Variants in KDM5A observed in about 807,000 individuals in gnomAD.
The protein encoded by KDM5A is lysine-specific demethylase 5A.
Under a neutral mutation model 193.5 loss-of-function variants are expected in KDM5A, and 42 were observed. The observed-to-expected ratio is 0.22, with a 90% CI of 0.17 to 0.28. KDM5A has a LOEUF of 0.28. Ranked by LOEUF, KDM5A falls within the 10% of genes least tolerant of loss-of-function variation. The pLI is 1.00. For synonymous variants in KDM5A, 796 were observed against 718.1 expected, an observed-to-expected ratio of 1.11 and a Z score of -1.73; for missense variants, 1,692 against 2,055.1, an observed-to-expected ratio of 0.82 and a Z score of 3.42.
chr12:367,125 T>C (rs748524867), intron 3 of KDM5A, among the ~76,000 whole-genome samples: 1 of 152,206 alleles, frequency 6.6e-6, no homozygotes, highest in East Asian at 1.9e-4. Context: ...TCAGAACATA[T>C]CCCTGTCATT....
chr12:383,917 G>A lies in KDM5A; in HGVS notation c.366+114C>T, dbSNP rs374217366. ...GCATGCGCCACCATACCCAGCTAGT[G>A]CATTTCATTGTCAAACAAATCCTCT... On this transcript the variant is annotated intron_variant, in intron 3 of 27. Coordinates refer to ENST00000399788, the MANE Select transcript of KDM5A (RefSeq NM_001042603.3). 11 of 1,135,834 alleles carry A rather than the reference G, an allele frequency of 9.7e-6. No individual in the cohort carries two copies. In the East Asian group the frequency reaches 2.7e-4, roughly 28 times the overall value. 70.4% of individuals were successfully genotyped at this position (1,135,834 alleles called of 1,614,324 possible).
At position 370,610 on chromosome 12, in the gene KDM5A, A is replaced by ACT. The variant is rs200423749; in HGVS notation, c.367-4508_367-4507dup. Among the ~76,000 whole-genome samples, 126 of 74,184 alleles carry ACT rather than the reference A, an allele frequency of 1.7e-3. 1 individual carries two copies. Among genetic ancestry groups the ACT allele is most frequent in the East Asian group, 0.013 (28 of 2,078 alleles). 48.7% of individuals were successfully genotyped at this position (74,184 alleles called of 152,430 possible). A position where few individuals can be genotyped will look rare whatever the true frequency, so the allele number is the denominator to read the frequency against. On this transcript the variant is annotated intron_variant, in intron 3 of 27. Transcript: ENST00000399788. The stretch of plus-strand genomic sequence containing the variant: ...AAGACCAAAACAGCTGGGAACAGAG[A>ACT]CTTTTTTTTTTTTTAATTATACTTT...
intron 6 of KDM5A, 127 bp from the exon 7 acceptor site, chr12:355,376 T>C (rs146415998): frequency 1.5e-6 from 1 of 682,408 alleles, no homozygotes; most frequent in African/African-American, 1.8e-5. Context: ...GTAGATATAC[T>C]ATTTATTATC....
At position 311,247 on chromosome 12, in the gene KDM5A, T is replaced by A. The variant is rs1178118032; in HGVS notation, c.3037-183A>T. On this transcript the variant is annotated intron_variant, in intron 20 of 27. Coordinates refer to ENST00000399788, the MANE Select transcript of KDM5A (RefSeq NM_001042603.3). Reference sequence around the variant, plus strand: ...TATTTTTTAAAGTTTGTGTAAATTATTTTTTTAATGAACATGTCATCAATG... The same window carrying A: ...TATTTTTTAAAGTTTGTGTAAATTAATTTTTTAATGAACATGTCATCAATG... The A allele has an allele frequency of 8.0e-6, 5 of 625,532 alleles. No individual in the cohort carries two copies. In the African/African-American group the frequency reaches 9.2e-5, roughly 12 times the overall value. 38.7% of individuals were successfully genotyped at this position (625,532 alleles called of 1,614,324 possible).
At chr12:340,556 A>G (rs141704242) in intron 10 of KDM5A, among the ~76,000 whole-genome samples, 2,701 of 152,100 alleles carry the variant, frequency 0.018, 78 homozygotes, top group African/African-American at 0.06. Flanking sequence ...TTAGCTGGGC[A>G]TGGTGGTGGG....
chr12:372,634 T>C (rs915850545), intron 3 of KDM5A, among the ~76,000 whole-genome samples: 2 of 152,326 alleles, frequency 1.3e-5, no homozygotes, highest in South Asian at 2.1e-4. Flanking sequence ...CTATGTTGAA[T>C]AGGAGTGGTG....
intron 3 of KDM5A, among the ~76,000 whole-genome samples, chr12:378,624 A>G (rs1364319583): frequency 6.6e-6 from 1 of 152,214 alleles, no homozygotes; most frequent in Non-Finnish European, 1.5e-5. Flanking sequence ...TTTAACAAGA[A>G]GGGCTAGACT....
Position 384,040 on chromosome 12 carries a change from A to G in KDM5A, c.357T>C (p.Ala119=). ...VVERKILDLY[A]LSKIVASKGG... ...CCAGTATGAGCCTCACCTTGCTCAAAGCATACAGATCCAGGATTTTTCTCT... is the reference window on the plus strand; with the variant it reads ...CCAGTATGAGCCTCACCTTGCTCAAGGCATACAGATCCAGGATTTTTCTCT... Residue 119 remains alanine, a synonymous_variant, in exon 3 of 28, where the codon GCT becomes GCC. Coordinates refer to ENST00000399788, the MANE Select transcript of KDM5A (RefSeq NM_001042603.3). 2 of 1,614,040 alleles carry G rather than the reference A, an allele frequency of 1.2e-6. No homozygotes were observed. The highest frequency in any genetic ancestry group is 1.7e-6 in the Non-Finnish European group (2 of 1,179,908).
intron 19 of KDM5A, among the ~76,000 whole-genome samples, chr12:314,098 G>A (rs1433923432): frequency 6.6e-6 from 1 of 152,154 alleles, no homozygotes; most frequent in African/African-American, 2.4e-5. Context: ...AAGGTACTGA[G>A]GCTGAAATCG....
At chr12:306,880 CTTTT>C in intron 24 of KDM5A, 62 bp downstream of exon 24, 1 of 1,293,954 alleles carries the variant, frequency 7.7e-7, no homozygotes. Context: ...TGTTCAATAG[CTTTT>C]TTTTTTTTTA....
intron 19 of KDM5A, among the ~76,000 whole-genome samples, chr12:315,887 G>C (rs1024911761): frequency 1.3e-5 from 2 of 152,248 alleles, no homozygotes; most frequent in East Asian, 3.9e-4. Flanking sequence ...TCTAACAGGC[G>C]GATGATATTT....
intron 24 of KDM5A, among the ~76,000 whole-genome samples, chr12:299,557 T>C (rs1943416231): frequency 6.6e-6 from 1 of 151,900 alleles, no homozygotes; most frequent in African/African-American, 2.4e-5. Context: ...GCACTAAACA[T>C]GGAAAGGAAC....
intron 18 of KDM5A, among the ~76,000 whole-genome samples, chr12:319,373 T>C (rs1472451501): frequency 6.6e-6 from 1 of 152,140 alleles, no homozygotes; most frequent in African/African-American, 2.4e-5. Flanking sequence ...CTTTGGGATA[T>C]ATTTTGGAGG....
At chr12:298,860 A>G (rs960513746) in intron 24 of KDM5A, among the ~76,000 whole-genome samples, 2 of 151,916 alleles carry the variant, frequency 1.3e-5, no homozygotes, top group African/African-American at 4.8e-5. Flanking sequence ...ACATAAATGA[A>G]CTGATGGAGC....
intron 13 of KDM5A, among the ~76,000 whole-genome samples, chr12:330,067 G>GTA (rs1943843452): frequency 8.3e-6 from 1 of 120,302 alleles, no homozygotes; most frequent in Non-Finnish European, 1.6e-5. Context: ...GTGTGTGTGT[G>GTA]TGTGTGTGTG....
chr12:348,511 C>T (rs1489261209), intron 10 of KDM5A, among the ~76,000 whole-genome samples: 1 of 152,164 alleles, frequency 6.6e-6, no homozygotes, highest in East Asian at 1.9e-4. Context: ...GGAACCAACC[C>T]AAATGTCCAT....
At chr12:326,672 TAAC>T (rs1943789654) in intron 14 of KDM5A, among the ~76,000 whole-genome samples, 1 of 151,838 alleles carries the variant, frequency 6.6e-6, no homozygotes, top group Non-Finnish European at 1.5e-5. Context: ...CCATCCTGGC[TAAC>T]AAGGCAAAAC....
intron 10 of KDM5A, among the ~76,000 whole-genome samples, chr12:340,888 G>A (rs1358403974): frequency 6.6e-6 from 1 of 152,084 alleles, no homozygotes; most frequent in African/African-American, 2.4e-5. Context: ...GTCAAAAGCT[G>A]CTCCTATCTA....
At chr12:292,349 T>C (rs1332165993) in intron 27 of KDM5A, among the ~76,000 whole-genome samples, 1 of 152,226 alleles carries the variant, frequency 6.6e-6, no homozygotes, top group Non-Finnish European at 1.5e-5. Flanking sequence ...TTAATGCAAT[T>C]TGCCACAGCT....
Sources: gnomAD v4.1 joint callset for allele counts (sites outside exome capture counted in the v4.1 genomes callset) on GRCh38, gnomAD v4.1.1 for gene constraint, MANE v1.5 for transcripts, NCBI Gene and HGNC (gene_info 2026-07-23, HGNC 2026-07-21) for gene names.